PKD1L3: variants seen among roughly 807,000 people sequenced by gnomAD.
PKD1L3 encodes the protein polycystin-1-like protein 3.
A neutral mutation model predicts 184.1 loss-of-function variants in PKD1L3; 239 were observed. The ratio of observed to expected loss-of-function variants is 1.30; its 90% CI spans 1.17 to 1.45. The LOEUF (loss-of-function observed/expected upper bound fraction) is 1.45, where lower values mean the gene tolerates loss of function less well. Among genes scored for constraint, PKD1L3 ranks in the 40% most tolerant of loss-of-function variants. The pLI, the probability that PKD1L3 is intolerant of heterozygous loss-of-function variation, is 0.00. For synonymous variants in PKD1L3, 996 were observed against 778.8 expected (o/e 1.28, Z -4.64); for missense variants, 2,660 against 2,067.2 (o/e 1.29, Z -5.56).
At chr16:71,953,824 G>A (rs775733390) in intron 17 of PKD1L3, among the ~76,000 whole-genome samples, 12 of 152,220 alleles carry the variant, frequency 7.9e-5, no homozygotes, top group South Asian at 4.1e-4. Context: ...ACAGTTGGAC[G>A]TGAGATTTGG....
At chr16:71,943,059 GT>G (rs1433938076) in intron 23 of PKD1L3, 35 bp from the exon 24 acceptor site, 2 of 1,458,978 alleles carry the variant, frequency 1.4e-6, no homozygotes, top group Non-Finnish European at 1.9e-6. Context: ...TCATAGTTGA[GT>G]GGTTAACTTA....
chr16:71,972,892 T>A (rs2039772388), intron 12 of PKD1L3, among the ~76,000 whole-genome samples: 1 of 152,116 alleles, frequency 6.6e-6, no homozygotes, highest in Admixed American at 6.6e-5. Context: ...AGGAACAAGG[T>A]GATAATTACA....
rs910605824 is a variant in PKD1L3 at position 71,982,003 on chromosome 16, T to C, written c.1143+56A>G. On this transcript the variant is annotated intron_variant, in intron 7 of 29. Transcript: ENST00000620267. ...GGGGAGAGGCTGTGATACCTGGACC[T>C]GTCAAGATTAAAATGCTTCTAAGCA... The C allele has an allele frequency of 1.1e-5, 16 of 1,425,660 alleles. No individual in the cohort carries two copies. In the South Asian group the frequency reaches 1.6e-4, roughly 14 times the overall value. 88.3% of individuals were successfully genotyped at this position (1,425,660 alleles called of 1,614,324 possible). A position where few individuals can be genotyped will look rare whatever the true frequency, so the allele number is the denominator to read the frequency against.
At chr16:71,972,635 G>C (rs117406681) in intron 12 of PKD1L3, among the ~76,000 whole-genome samples, 7,650 of 152,048 alleles carry the variant, frequency 0.05, 259 homozygotes, top group Non-Finnish European at 0.073. Context: ...AGTAAGCCGT[G>C]ATCATGCCAC....
chr16:71,959,640 A>T (rs1336787716), intron 16 of PKD1L3, among the ~76,000 whole-genome samples: 1 of 152,196 alleles, frequency 6.6e-6, no homozygotes, highest in East Asian at 1.9e-4. Context: ...ATTCTTTGTC[A>T]TGTTCAGGCA....
chr16:71,981,756 G>A (rs1015491540), intron 7 of PKD1L3, among the ~76,000 whole-genome samples: 1 of 152,170 alleles, frequency 6.6e-6, no homozygotes, highest in African/African-American at 2.4e-5. Flanking sequence ...GGCCAGGCTG[G>A]TCTCGAACTC....
intron 25 of PKD1L3, among the ~76,000 whole-genome samples, chr16:71,936,638 C>T (rs1417687916): frequency 6.6e-6 from 1 of 150,762 alleles, no homozygotes; most frequent in Admixed American, 6.7e-5. Context: ...CAGGCATATG[C>T]CACCACGCCC....
At chr16:71,978,928 G>A (rs1178623029) in intron 9 of PKD1L3, among the ~76,000 whole-genome samples, 1 of 152,030 alleles carries the variant, frequency 6.6e-6, no homozygotes, top group Admixed American at 6.6e-5. Context: ...ATGAGAAACA[G>A]TAAATTAAAG....
chr16:71,952,188 G>A (rs1597308966), intron 18 of PKD1L3, among the ~76,000 whole-genome samples: 1 of 144,880 alleles, frequency 6.9e-6, no homozygotes, highest in East Asian at 2.2e-4. Flanking sequence ...GGGAAAGGGA[G>A]CATGTCATTT....
intron 3 of PKD1L3, chr16:71,991,010 G>A (rs1164018871): frequency 6.6e-6 from 1 of 152,206 alleles, no homozygotes; most frequent in African/African-American, 2.4e-5. Flanking sequence ...CAGAAACAAA[G>A]AGAAAAACCA....
At chr16:71,953,559 T>C (rs2038931278) in intron 17 of PKD1L3, among the ~76,000 whole-genome samples, 1 of 152,192 alleles carries the variant, frequency 6.6e-6, no homozygotes, top group African/African-American at 2.4e-5. Context: ...CAAAGCATCT[T>C]ACATGGTGGC....
At position 71,982,224 on chromosome 16, in the gene PKD1L3, G is replaced by C. The variant is rs568029021; in HGVS notation, c.978C>G (p.Ile326Met). The C allele has an allele frequency of 6.8e-6, 10 of 1,461,328 alleles. No individual in the cohort carries two copies. The East Asian group carries it at 1.2e-4, about 17-fold the overall frequency. The allele number at this position is 1,461,328 out of a possible 1,614,324, so 90.5% of individuals were successfully genotyped here. The change falls in exon 7 of 30, where the codon ATC becomes ATG. Residue 326 changes from isoleucine to methionine, a missense_variant. Coordinates refer to ENST00000620267, the MANE Select transcript of PKD1L3 (RefSeq NM_181536.2). The stretch of plus-strand genomic sequence containing the variant: ...CCTCACTCAGGTAAATAAGGGAATT[G>C]ATGAGATTAACCTGGGAGGATTAGA... ...RFSKPAQVNL[I>M]NSLIYLSEEL...
At chr16:71,932,396 G>T (rs1292736447) in intron 28 of PKD1L3, among the ~76,000 whole-genome samples, 1 of 152,192 alleles carries the variant, frequency 6.6e-6, no homozygotes, top group Non-Finnish European at 1.5e-5. Flanking sequence ...TAGGCTCTCT[G>T]AAGTGAGTAG....
chr16:71,994,561 A>C (rs1019230132), intron 2 of PKD1L3, among the ~76,000 whole-genome samples: 3 of 152,186 alleles, frequency 2.0e-5, no homozygotes, highest in Admixed American at 2.0e-4. Flanking sequence ...CCTTAAAAAA[A>C]ACCCAGCAAC....
rs2040351146 is a variant in PKD1L3, at chr16:71,986,108, T to C, written c.834+113A>G. The C allele has an allele frequency of 2.2e-6, 3 of 1,360,830 alleles. No individual in the cohort carries two copies. The South Asian group carries it at 4.3e-5, about 20-fold the overall frequency. The allele number at this position is 1,360,830 out of a possible 1,614,324, so 84.3% of individuals were successfully genotyped here. The stretch of plus-strand genomic sequence containing the variant: ...TTAGTTTTTGTTTTGGATTGGCATA[T>C]ACGCTGGTCTGTCAGGCATTCTTAG... On this transcript the variant is annotated intron_variant, in intron 5 of 29. Coordinates refer to ENST00000620267, the MANE Select transcript of PKD1L3 (RefSeq NM_181536.2).
intron 17 of PKD1L3, among the ~76,000 whole-genome samples, chr16:71,953,777 C>T (rs960725274): frequency 6.6e-5 from 10 of 152,148 alleles, no homozygotes; most frequent in African/African-American, 9.7e-5. Flanking sequence ...CAGTCACCTC[C>T]CAGCAAGTCC....
chr16:71,950,737 C>CTT (rs200363488), intron 19 of PKD1L3, among the ~76,000 whole-genome samples: 56,966 of 140,412 alleles, frequency 0.41, 12,347 homozygotes, highest in East Asian at 0.65. Flanking sequence ...GTATTTCTCT[C>CTT]TTTTTTTTTT....
chr16:71,963,574 G>A (rs1024245636), intron 15 of PKD1L3, among the ~76,000 whole-genome samples: 4 of 152,154 alleles, frequency 2.6e-5, no homozygotes, highest in Non-Finnish European at 5.9e-5. Flanking sequence ...TTGAGCTCAG[G>A]CATTTGAGCA....
At chr16:71,995,499 T>C (rs1330805663) in intron 2 of PKD1L3, among the ~76,000 whole-genome samples, 1 of 152,258 alleles carries the variant, frequency 6.6e-6, no homozygotes, top group Non-Finnish European at 1.5e-5. Flanking sequence ...CCTTCTGTTA[T>C]ATTTATACGT....
Sources: allele counts gnomAD v4.1 joint callset (sites outside exome capture counted in the v4.1 genomes callset), GRCh38; gene constraint gnomAD v4.1.1; transcripts MANE v1.5; gene names NCBI Gene and HGNC (gene_info 2026-07-23, HGNC 2026-07-21).